ESR1: variants seen among roughly 807,000 people sequenced by gnomAD.
ESR1 encodes estrogen receptor.
Under a neutral mutation model 52.7 loss-of-function variants are expected in ESR1, and 12 were observed. The observed-to-expected ratio is 0.23, with a 90% CI of 0.15 to 0.37. ESR1 has a LOEUF of 0.37. ESR1 is among the 10% of genes least tolerant of loss of function. The pLI is 1.00. For synonymous variants in ESR1, 305 were observed against 316.8 expected (o/e 0.96, Z 0.39); for missense variants, 584 against 779.7 (o/e 0.75, Z 2.99).
At chr6:151,773,840 A>G (rs1722003392) in intron 2 of ESR1, among the ~76,000 whole-genome samples, 1 of 152,226 alleles carries the variant, frequency 6.6e-6, no homozygotes, top group African/African-American at 2.4e-5. Flanking sequence ...TGTGGAGGTT[A>G]TAGTTGGAAA....
chr6:151,826,772 G>A (rs1781575141), intron 1 of ESR1, among the ~76,000 whole-genome samples: 1 of 152,264 alleles, frequency 6.6e-6, no homozygotes, highest in South Asian at 2.1e-4. Context: ...TCTACTCTAT[G>A]CCAGGTATTG....
intron 2 of ESR1, among the ~76,000 whole-genome samples, chr6:151,851,825 G>A (rs1786798051): frequency 6.6e-6 from 1 of 152,210 alleles, no homozygotes; most frequent in Non-Finnish European, 1.5e-5. Context: ...GCCGCACCCG[G>A]CTGATGAAAG....
chr6:151,884,554 C>T (rs1195292090), intron 3 of ESR1, among the ~76,000 whole-genome samples: 1 of 152,158 alleles, frequency 6.6e-6, no homozygotes, highest in African/African-American at 2.4e-5. Context: ...CATAGCAAGG[C>T]TGAAAAAATT....
chr6:151,844,094 T>G (rs1338790572), intron 2 of ESR1, among the ~76,000 whole-genome samples: 2 of 151,616 alleles, frequency 1.3e-5, no homozygotes, highest in Non-Finnish European at 2.9e-5. Flanking sequence ...ATAGTAATCT[T>G]TGTGTGTGTA....
rs1270554031 is a variant in ESR1, at chr6:151,944,192, A to T, written c.780A>T (p.Arg260Ser). The stretch of plus-strand genomic sequence containing the variant: ...TTTCAGGGATACGAAAAGACCGAAG[A>T]GGAGGGAGAATGTTGAAACACAAGC... ...MMKGGIRKDR[R>S]GGRMLKHKRQ... Residue 260 changes from arginine (R) to serine (S), a missense_variant, in exon 4 of 8, where the codon AGA becomes AGT. By Grantham distance (110) the Arg-to-Ser change is moderately radical. Coordinates refer to ENST00000206249, the MANE Select transcript of ESR1 (RefSeq NM_000125.4). The T allele has an allele frequency of 6.2e-7, 1 of 1,613,918 alleles. No homozygotes were observed. Among genetic ancestry groups the T allele is most frequent in the Admixed American group, 1.7e-5 (1 of 60,012 alleles).
chr6:151,775,547 A>G (rs1231491089), intron 2 of ESR1, among the ~76,000 whole-genome samples: 1 of 152,092 alleles, frequency 6.6e-6, no homozygotes. Context: ...GAAGATCGAG[A>G]CCATCCTGGC....
chr6:151,734,725 T>C (rs572567011), intron 2 of ESR1, among the ~76,000 whole-genome samples: 2 of 151,778 alleles, frequency 1.3e-5, no homozygotes, highest in Admixed American at 1.3e-4. Context: ...TGGGTTCAAG[T>C]GATTCTCCTG....
chr6:151,699,548 A>G (rs928119862), intron 1 of ESR1, among the ~76,000 whole-genome samples: 1 of 152,254 alleles, frequency 6.6e-6, no homozygotes, highest in Non-Finnish European at 1.5e-5. Flanking sequence ...TGGCATATGA[A>G]GCTTAGATAG....
intron 3 of ESR1, among the ~76,000 whole-genome samples, chr6:151,910,094 A>G (rs938903470): frequency 2.0e-5 from 3 of 151,512 alleles, no homozygotes; most frequent in African/African-American, 2.4e-5. Context: ...AGGATATACT[A>G]TGTATCTAGT....
At chr6:151,824,096 A>G (rs1189830963) in intron 1 of ESR1, among the ~76,000 whole-genome samples, 1 of 152,128 alleles carries the variant, frequency 6.6e-6, no homozygotes, top group African/African-American at 2.4e-5. Context: ...CAACAGTGTA[A>G]AAGTGTTCCT....
intron 2 of ESR1, among the ~76,000 whole-genome samples, chr6:151,858,289 G>C (rs1238787279): frequency 6.6e-6 from 1 of 152,180 alleles, no homozygotes; most frequent in African/African-American, 2.4e-5. Context: ...CAGGAATCTA[G>C]GTCTTTACAG....
chr6:152,125,116 C>A, intron 6 of ESR1: 1 of 848,738 alleles, frequency 1.2e-6, no homozygotes, highest in Non-Finnish European at 1.7e-6. Context: ...GGCTGAATGA[C>A]TTGCTTCAGA....
intron 2 of ESR1, among the ~76,000 whole-genome samples, chr6:151,851,770 T>C (rs146095115): frequency 0.069 from 10,464 of 152,068 alleles, 772 homozygotes; most frequent in East Asian, 0.24. Context: ...TCAGGTGATC[T>C]ACCCGCCTTG....
chr6:151,881,279 A>G (rs539233659), intron 3 of ESR1, among the ~76,000 whole-genome samples: 3 of 152,338 alleles, frequency 2.0e-5, no homozygotes, highest in African/African-American at 7.2e-5. Context: ...TGAGTGAACC[A>G]GCCACTTTCT....
chr6:151,884,621 AC>A (rs1464237569), intron 3 of ESR1, among the ~76,000 whole-genome samples: 8 of 152,248 alleles, frequency 5.3e-5, no homozygotes, highest in African/African-American at 1.9e-4. Context: ...CCATGAACTA[AC>A]AATTTTAATC....
intron 1 of ESR1, among the ~76,000 whole-genome samples, chr6:151,811,493 A>C (rs1040193686): frequency 1.3e-5 from 2 of 152,168 alleles, no homozygotes. Context: ...TTCTCCAAAA[A>C]ACTTGGCAAA....
At chr6:152,027,631 C>T (rs996914837) in intron 5 of ESR1, among the ~76,000 whole-genome samples, 6 of 152,160 alleles carry the variant, frequency 3.9e-5, no homozygotes, top group African/African-American at 1.4e-4. Context: ...ATGTTGCTCA[C>T]AAGAAGCTGG....
intron 5 of ESR1, among the ~76,000 whole-genome samples, chr6:152,027,157 G>T (rs952597139): frequency 1.4e-4 from 22 of 151,822 alleles, no homozygotes; most frequent in African/African-American, 5.1e-4. Flanking sequence ...GTAGAGACAG[G>T]GTTTCCCCAT....
chr6:151,723,597 A>G (rs1322798949), intron 2 of ESR1, among the ~76,000 whole-genome samples: 1 of 152,166 alleles, frequency 6.6e-6, no homozygotes, highest in Non-Finnish European at 1.5e-5. Context: ...GGCCGGATAC[A>G]GTGGCTCACA....
Sources: gnomAD v4.1 joint callset for allele counts (sites outside exome capture counted in the v4.1 genomes callset) on GRCh38, gnomAD v4.1.1 for gene constraint, MANE v1.5 for transcripts, NCBI Gene and HGNC (gene_info 2026-07-23, HGNC 2026-07-21) for gene names.